The following SEZ6L variants were observed in gnomAD, a reference collection of about 807,000 sequenced individuals.
The protein encoded by SEZ6L is seizure 6-like protein.
In SEZ6L, 37 loss-of-function variants were observed where a neutral mutation model predicts 106.2. The ratio of observed to expected loss-of-function variants is 0.35; its 90% CI spans 0.27 to 0.46. The LOEUF (loss-of-function observed/expected upper bound fraction) is 0.46, where lower values mean the gene tolerates loss of function less well. Among genes scored for constraint, SEZ6L ranks in the 20% least tolerant of loss-of-function variants. SEZ6L has a pLI of 1.00. For missense variants in SEZ6L, 1,172 were observed against 1,332.8 expected (o/e 0.88, Z 1.88); for synonymous variants, 541 against 570.4 (o/e 0.95, Z 0.73).
intron 1 of SEZ6L, among the ~76,000 whole-genome samples, chr22:26,214,583 C>T (rs1455013698): frequency 1.3e-5 from 2 of 152,182 alleles, no homozygotes; most frequent in Non-Finnish European, 2.9e-5. Context: ...AAATGCTGGT[C>T]GGATCTCCTG....
At chr22:26,312,618 T>C (rs1390341732) in intron 8 of SEZ6L, among the ~76,000 whole-genome samples, 1 of 152,218 alleles carries the variant, frequency 6.6e-6, no homozygotes, top group Non-Finnish European at 1.5e-5. Context: ...ATTCTTTTTG[T>C]TGTTGAGACA....
At chr22:26,212,904 T>C (rs2078201631) in intron 1 of SEZ6L, among the ~76,000 whole-genome samples, 1 of 152,134 alleles carries the variant, frequency 6.6e-6, no homozygotes, top group African/African-American at 2.4e-5. Context: ...ACCTCAGCCT[T>C]GGGGTCAGAA....
chr22:26,352,192 G>C (rs1179075445), intron 12 of SEZ6L, among the ~76,000 whole-genome samples: 1 of 150,448 alleles, frequency 6.6e-6, no homozygotes, highest in Admixed American at 6.6e-5. Flanking sequence ...CTACTTCAAG[G>C]CTCTCTAGGG....
At chr22:26,252,566 C>G (rs1411684357) in intron 1 of SEZ6L, among the ~76,000 whole-genome samples, 2 of 152,088 alleles carry the variant, frequency 1.3e-5, no homozygotes, top group African/African-American at 2.4e-5. Flanking sequence ...AGTCTTGTCC[C>G]CCTCCCTCAC....
At chr22:26,241,604 A>T (rs2079134997) in intron 1 of SEZ6L, among the ~76,000 whole-genome samples, 1 of 152,232 alleles carries the variant, frequency 6.6e-6, no homozygotes, top group Non-Finnish European at 1.5e-5. Flanking sequence ...GGAAATTGAC[A>T]CAGAGGCAAT....
intron 1 of SEZ6L, among the ~76,000 whole-genome samples, chr22:26,256,447 G>T (rs550666754): frequency 2.1e-4 from 32 of 152,312 alleles, no homozygotes; most frequent in African/African-American, 6.7e-4. Context: ...AAACATAGAA[G>T]AGACCCATGG....
chr22:26,275,073 C>A (rs637395), intron 1 of SEZ6L, among the ~76,000 whole-genome samples: 44,337 of 152,134 alleles, frequency 0.29, 7,231 homozygotes, highest in Non-Finnish European at 0.37. Context: ...TCTCTGGAGC[C>A]AAGCTCAAGG....
At chr22:26,277,975 T>A (rs774077484) in intron 1 of SEZ6L, among the ~76,000 whole-genome samples, 1 of 152,224 alleles carries the variant, frequency 6.6e-6, no homozygotes, top group Non-Finnish European at 1.5e-5. Context: ...ATGAAAATGC[T>A]GGGTATCTTA....
intron 8 of SEZ6L, among the ~76,000 whole-genome samples, chr22:26,312,690 C>T (rs1367184306): frequency 1.3e-5 from 2 of 152,232 alleles, no homozygotes; most frequent in Non-Finnish European, 2.9e-5. Flanking sequence ...CCTGTCTCAG[C>T]CTCCTGAGTA....
chr22:26,306,245 GGAATTCAA>G, intron 6 of SEZ6L, 101 bp downstream of exon 6: 1 of 1,331,678 alleles, frequency 7.5e-7, no homozygotes, highest in Non-Finnish European at 1.0e-6. Context: ...TTTGACCCTC[GGAATTCAA>G]GAAAAGAAGA....
intron 1 of SEZ6L, among the ~76,000 whole-genome samples, chr22:26,204,114 T>C (rs1176873321): frequency 2.6e-5 from 4 of 152,230 alleles, no homozygotes; most frequent in African/African-American, 7.2e-5. Flanking sequence ...TCCTACATCT[T>C]ATTGCTTTCT....
chr22:26,373,630 T>C (rs1419350255), intron 14 of SEZ6L, 147 bp downstream of exon 14: 1 of 699,854 alleles, frequency 1.4e-6, no homozygotes, highest in Non-Finnish European at 2.3e-6. Flanking sequence ...TAAAATAATA[T>C]TGTAGGGGAA....
chr22:26,334,994 T>C (rs1411138622), intron 9 of SEZ6L, among the ~76,000 whole-genome samples: 1 of 152,138 alleles, frequency 6.6e-6, no homozygotes, highest in Non-Finnish European at 1.5e-5. Context: ...AGCTGACATC[T>C]CAATTCAGAC....
intron 1 of SEZ6L, among the ~76,000 whole-genome samples, chr22:26,247,349 C>T (rs2079391720): frequency 6.6e-6 from 1 of 152,174 alleles, no homozygotes; most frequent in Non-Finnish European, 1.5e-5. Flanking sequence ...AAATTCATGT[C>T]TGCCGAAAAG....
intron 9 of SEZ6L, among the ~76,000 whole-genome samples, chr22:26,339,812 C>T (rs1003394193): frequency 6.6e-6 from 1 of 152,204 alleles, no homozygotes; most frequent in Non-Finnish European, 1.5e-5. Flanking sequence ...TGGTGCCTAA[C>T]ACAGAGATGT....
At chr22:26,178,299 T>C (rs1375023219) in intron 1 of SEZ6L, among the ~76,000 whole-genome samples, 2 of 151,950 alleles carry the variant, frequency 1.3e-5, no homozygotes, top group Admixed American at 6.5e-5. Context: ...CTGGCTTGAG[T>C]CAAGCAAGCA....
intron 11 of SEZ6L, among the ~76,000 whole-genome samples, chr22:26,348,664 AAG>A (rs1158845888): frequency 7.9e-5 from 5 of 63,316 alleles, no homozygotes; most frequent in African/African-American, 3.7e-4. Context: ...GAAAGAAAGA[AAG>A]AAAGAAAGAA....
At chr22:26,378,269 G>A (rs1187910253) in intron 16 of SEZ6L, among the ~76,000 whole-genome samples, 1 of 152,116 alleles carries the variant, frequency 6.6e-6, no homozygotes, top group Non-Finnish European at 1.5e-5. Context: ...GCCATCTGCT[G>A]GGCACTTTAA....
chr22:26,185,510 A>G (rs1171337890), intron 1 of SEZ6L, among the ~76,000 whole-genome samples: 1 of 152,178 alleles, frequency 6.6e-6, no homozygotes, highest in Non-Finnish European at 1.5e-5. Flanking sequence ...AAGAGCTTTT[A>G]AAGACCCAGA....
Sources: allele counts gnomAD v4.1 joint callset (sites outside exome capture counted in the v4.1 genomes callset), GRCh38; gene constraint gnomAD v4.1.1; transcripts MANE v1.5; gene names NCBI Gene and HGNC (gene_info 2026-07-23, HGNC 2026-07-21).